LHFPL3: variants seen among roughly 807,000 people sequenced by gnomAD.
LHFPL3 encodes the protein LHFPL tetraspan subfamily member 3 protein.
A neutral mutation model predicts 19.3 loss-of-function variants in LHFPL3; 5 were observed. The ratio of observed to expected loss-of-function variants is 0.26; its 90% CI spans 0.14 to 0.54. LHFPL3 has a LOEUF of 0.54. LHFPL3 is among the 20% of genes least tolerant of loss of function. The pLI is 0.94. For missense variants in LHFPL3, 249 were observed against 307.4 expected (o/e 0.81, Z 1.42); for synonymous variants, 133 against 126.2 (o/e 1.05, Z -0.36).
chr7:104,628,135 C>T (rs1791579895), intron 1 of LHFPL3, among the ~76,000 whole-genome samples: 1 of 152,212 alleles, frequency 6.6e-6, no homozygotes, highest in Admixed American at 6.5e-5. Context: ...AGGTATGTGG[C>T]AATGACAGCT....
At chr7:104,659,252 C>A in intron 1 of LHFPL3, among the ~76,000 whole-genome samples, 1 of 152,226 alleles carries the variant, frequency 6.6e-6, no homozygotes, top group East Asian at 1.9e-4. Flanking sequence ...TGGAAGATGG[C>A]TAGTTCTGCA....
At chr7:104,515,420 G>A (rs1008022875) in intron 1 of LHFPL3, among the ~76,000 whole-genome samples, 1 of 152,096 alleles carries the variant, frequency 6.6e-6, no homozygotes. Context: ...TGACTTTTAT[G>A]CACAACAGAG....
Position 104,859,065 on chromosome 7 carries a change from C to A in LHFPL3, c.683-47122C>A, listed in dbSNP as rs189234861. 1.7e-3 allele frequency among the ~76,000 whole-genome samples: 255 copies of A among 152,014 alleles called. 3 individuals are homozygous for A. The highest frequency in any genetic ancestry group is 1.0e-3 in the Non-Finnish European group (71 of 67,980). On this transcript the variant is annotated intron_variant, in intron 2 of 2. Coordinates refer to ENST00000424859, the MANE Select transcript of LHFPL3 (RefSeq NM_199000.3). ...ATCACCTGAGGTCAGGAGTTCGAGA[C>A]CAGCCTGGCCAACATGGCAAAACCC...
intron 2 of LHFPL3, among the ~76,000 whole-genome samples, chr7:104,875,606 T>C (rs1791923555): frequency 6.6e-6 from 1 of 152,206 alleles, no homozygotes; most frequent in Admixed American, 6.5e-5. Flanking sequence ...TCAATGGCAG[T>C]GGAAGTTTTA....
At chr7:104,473,127 C>G (rs537420607) in intron 1 of LHFPL3, among the ~76,000 whole-genome samples, 1 of 152,206 alleles carries the variant, frequency 6.6e-6, no homozygotes, top group African/African-American at 2.4e-5. Context: ...ATTACACTGA[C>G]ATATTCTATG....
intron 1 of LHFPL3, among the ~76,000 whole-genome samples, chr7:104,329,934 A>T (rs984003757): frequency 2.9e-4 from 44 of 152,234 alleles, no homozygotes; most frequent in African/African-American, 1.0e-3. Flanking sequence ...AGTCTTTAGT[A>T]AATCAAGATT....
At chr7:104,577,916 A>T (rs1210082758) in intron 1 of LHFPL3, among the ~76,000 whole-genome samples, 1 of 152,184 alleles carries the variant, frequency 6.6e-6, no homozygotes, top group Non-Finnish European at 1.5e-5. Flanking sequence ...CCCCTCAACT[A>T]TGGGAAAGTG....
intron 1 of LHFPL3, among the ~76,000 whole-genome samples, chr7:104,461,602 C>T (rs1376707258): frequency 6.6e-6 from 1 of 152,086 alleles, no homozygotes; most frequent in Non-Finnish European, 1.5e-5. Context: ...GTTTTCGTTA[C>T]TGTAGCCCTG....
chr7:104,338,311 G>C (rs1419417130), intron 1 of LHFPL3, among the ~76,000 whole-genome samples: 1 of 151,900 alleles, frequency 6.6e-6, no homozygotes, highest in Non-Finnish European at 1.5e-5. Flanking sequence ...GTATTAGCCA[G>C]GATGGTCTCG....
intron 2 of LHFPL3, among the ~76,000 whole-genome samples, chr7:104,865,867 A>G (rs890332064): frequency 6.6e-6 from 1 of 152,248 alleles, no homozygotes; most frequent in Non-Finnish European, 1.5e-5. Context: ...TCAGAATAAC[A>G]GCAGATCTCT....
At chr7:104,348,434 T>A (rs543354011) in intron 1 of LHFPL3, among the ~76,000 whole-genome samples, 12 of 152,336 alleles carry the variant, frequency 7.9e-5, no homozygotes, top group Admixed American at 3.9e-4. Context: ...AACGATGAAC[T>A]ATGAAACAAA....
At chr7:104,857,058 A>T (rs920599449) in intron 2 of LHFPL3, among the ~76,000 whole-genome samples, 3 of 152,062 alleles carry the variant, frequency 2.0e-5, no homozygotes, top group African/African-American at 7.2e-5. Context: ...ATATTATCTC[A>T]TTTCACCCGC....
intron 1 of LHFPL3, among the ~76,000 whole-genome samples, chr7:104,425,969 G>A (rs944945527): frequency 6.6e-6 from 1 of 152,172 alleles, no homozygotes; most frequent in African/African-American, 2.4e-5. Flanking sequence ...TTTCAGGGAA[G>A]CTTCTGTGTC....
chr7:104,454,981 T>C (rs1792512281), intron 1 of LHFPL3, among the ~76,000 whole-genome samples: 1 of 152,214 alleles, frequency 6.6e-6, no homozygotes, highest in Non-Finnish European at 1.5e-5. Flanking sequence ...AGCCTGCCCC[T>C]TCCATCTTGT....
intron 2 of LHFPL3, among the ~76,000 whole-genome samples, chr7:104,886,954 C>T (rs895026112): frequency 2.0e-5 from 3 of 152,206 alleles, no homozygotes; most frequent in Non-Finnish European, 4.4e-5. Context: ...GAAAGGAAGA[C>T]TAATGTGGCT....
At chr7:104,643,976 C>T (rs952586184) in intron 1 of LHFPL3, among the ~76,000 whole-genome samples, 1 of 152,140 alleles carries the variant, frequency 6.6e-6, no homozygotes, top group African/African-American at 2.4e-5. Flanking sequence ...AGTTCAAATC[C>T]AAGCATCATT....
At chr7:104,482,152 C>A (rs1466227410) in intron 1 of LHFPL3, among the ~76,000 whole-genome samples, 4 of 152,190 alleles carry the variant, frequency 2.6e-5, no homozygotes, top group African/African-American at 7.2e-5. Context: ...GTAGTGCCTG[C>A]TACTCACACT....
At chr7:104,459,972 AC>A (rs968732891) in intron 1 of LHFPL3, among the ~76,000 whole-genome samples, 26 of 152,212 alleles carry the variant, frequency 1.7e-4, no homozygotes, top group African/African-American at 5.5e-4. Context: ...TAAGCCTAGT[AC>A]CCAATGGTTA....
intron 1 of LHFPL3, among the ~76,000 whole-genome samples, chr7:104,724,923 G>A (rs920453756): frequency 6.6e-6 from 1 of 152,122 alleles, no homozygotes; most frequent in Non-Finnish European, 1.5e-5. Flanking sequence ...CCCTGACCTT[G>A]TTAGACAGGT....
Sources: allele counts gnomAD v4.1 joint callset (sites outside exome capture counted in the v4.1 genomes callset), GRCh38; gene constraint gnomAD v4.1.1; transcripts MANE v1.5; gene names NCBI Gene and HGNC (gene_info 2026-07-23, HGNC 2026-07-21).